ROPN1L: variants seen among roughly 807,000 people sequenced by gnomAD.
The protein encoded by ROPN1L is ropporin-1-like protein.
In ROPN1L, 23 loss-of-function variants were observed where a neutral mutation model predicts 22.7. The observed-to-expected ratio is 1.01, with a 90% CI of 0.73 to 1.43. The LOEUF (loss-of-function observed/expected upper bound fraction) is 1.43, where lower values mean the gene tolerates loss of function less well. ROPN1L is among the 40% of genes most tolerant of loss of function. ROPN1L has a pLI of 0.00. For missense variants in ROPN1L, 271 were observed against 291.5 expected, an observed-to-expected ratio of 0.93 and a Z score of 0.51; for synonymous variants, 116 against 117.8, an observed-to-expected ratio of 0.98 and a Z score of 0.10.
At chr5:10,448,432 C>T (rs532431939) in intron 2 of ROPN1L, 49 bp downstream of exon 2, 1 of 1,610,712 alleles carries the variant, frequency 6.2e-7, no homozygotes, top group Non-Finnish European at 8.5e-7. Flanking sequence ...CTGTGCTTTC[C>T]TTACCGTTCA....
rs763104402 is a variant in ROPN1L at position 10,464,970 on chromosome 5, T to C, written c.*23T>C. The C allele has an allele frequency of 1.2e-5, 17 of 1,407,278 alleles. No individual in the cohort carries two copies. Among genetic ancestry groups the C allele is most frequent in the Admixed American group, 1.0e-4 (5 of 49,206 alleles). 87.2% of individuals were successfully genotyped at this position (1,407,278 alleles called of 1,614,324 possible). A position where few individuals can be genotyped will look rare whatever the true frequency, so the allele number is the denominator to read the frequency against. On this transcript the variant is annotated 3_prime_UTR_variant, in exon 5 of 5. Transcript: ENST00000274134. ...TAATACAGAGAAGAATACATTTTAA[T>C]GTCAAAATAGTGCTCTTTAAAATTC... is the stretch of plus-strand genomic sequence containing the variant.
At chr5:10,462,896 TAAC>T (rs957259039) in intron 4 of ROPN1L, among the ~76,000 whole-genome samples, 31 of 71,068 alleles carry the variant, frequency 4.4e-4, no homozygotes, top group Admixed American at 1.4e-3. Flanking sequence ...TCTCAAATAA[TAAC>T]AACAATAATA....
chr5:10,461,349 A>G lies in ROPN1L; in HGVS notation c.583A>G (p.Lys195Glu), dbSNP rs753154460. The G allele has an allele frequency of 1.9e-6, 3 of 1,613,524 alleles. No homozygotes were observed. In the African/African-American group the frequency reaches 4.0e-5, roughly 22 times the overall value. ...GACGGAATCCTACCTTGCCTCTCTA[A>G]AGGAAAATATGTAAGTATGCACCCT... Reference protein sequence around the residue: ...LETESYLASLKENIDARKNGM... With the variant: ...LETESYLASLEENIDARKNGM... Residue 195 changes from lysine (K) to glutamate (E), a missense_variant, in exon 4 of 5, where the codon AAG (lysine) becomes GAG (glutamate). Lys to Glu is a moderately conservative substitution (Grantham distance 56). Coordinates refer to ENST00000274134, the MANE Select transcript of ROPN1L (RefSeq NM_031916.5).
the ROPN1L span, chr5:10,482,310 C>CCGTA: frequency 6.6e-6 from 1 of 151,848 alleles, no homozygotes; most frequent in Non-Finnish European, 1.5e-5. Context: ...AAAACGAAAA[C>CCGTA]CGTAAAAGAT....
chr5:10,468,852 G>T (rs978514610), downstream of ROPN1L, among the ~76,000 whole-genome samples: 1 of 152,214 alleles, frequency 6.6e-6, no homozygotes, highest in Non-Finnish European at 1.5e-5. Flanking sequence ...TCCAATTGAA[G>T]TCACTTTAAA....
At chr5:10,469,084 GGCGGA>G (rs1554031328), downstream of ROPN1L, among the ~76,000 whole-genome samples, 6 of 152,154 alleles carry the variant, frequency 3.9e-5, no homozygotes, top group Non-Finnish European at 8.8e-5. Context: ...GAACCTGGGA[GGCGGA>G]GCTTGCAATG....
At chr5:10,475,932 C>T (rs1560932254), downstream of ROPN1L, among the ~76,000 whole-genome samples, 1 of 152,228 alleles carries the variant, frequency 6.6e-6, no homozygotes, top group East Asian at 1.9e-4. Flanking sequence ...CATGATCATT[C>T]AGGGATCCAG....
intron 1 of ROPN1L, among the ~76,000 whole-genome samples, chr5:10,443,752 A>T (rs1207846666): frequency 6.6e-6 from 1 of 152,114 alleles, no homozygotes; most frequent in Non-Finnish European, 1.5e-5. Flanking sequence ...TCTCAGGAAA[A>T]CCCAGCTCGT....
chr5:10,455,770 G>A (rs955529298), intron 3 of ROPN1L, among the ~76,000 whole-genome samples: 1 of 28,062 alleles, frequency 3.6e-5, no homozygotes, highest in African/African-American at 8.1e-5. Context: ...TCTTGAAAAC[G>A]CAGTGCTGGG....
chr5:10,453,588 G>A (rs945135894), intron 3 of ROPN1L, among the ~76,000 whole-genome samples: 1 of 152,204 alleles, frequency 6.6e-6, no homozygotes, highest in East Asian at 1.9e-4. Context: ...TTTCACATAG[G>A]ATGCTGTGTA....
At chr5:10,448,130 A>G in intron 1 of ROPN1L, 130 bp from the exon 2 acceptor site, 1 of 1,008,286 alleles carries the variant, frequency 9.9e-7, no homozygotes, top group Non-Finnish European at 1.5e-6. Context: ...CCAGGACATA[A>G]GCCCGGGATG....
intron 1 of ROPN1L, among the ~76,000 whole-genome samples, chr5:10,443,371 C>T (rs1025545821): frequency 6.6e-6 from 1 of 152,010 alleles, no homozygotes; most frequent in African/African-American, 2.4e-5. Context: ...GCCTGTAATC[C>T]CAGCACTTTG....
rs184219655 is a variant in ROPN1L, at chr5:10,447,064, C to T, written c.132-1196C>T. Among the ~76,000 whole-genome samples the T allele has an allele frequency of 1.6e-3, 242 of 152,306 alleles. 1 individual carries two copies. The highest frequency in any genetic ancestry group is 3.0e-3 in the Non-Finnish European group (202 of 68,034). On this transcript the variant is annotated intron_variant, in intron 1 of 4. Transcript: ENST00000274134. ...AAGTTTATTTTAGTCTATCAGATAT[C>T]GACTTATCCATATTTATCTGTAGCA...
chr5:10,465,853 A>G (rs1224591234), downstream of ROPN1L, among the ~76,000 whole-genome samples: 1 of 152,148 alleles, frequency 6.6e-6, no homozygotes, highest in Non-Finnish European at 1.5e-5. Flanking sequence ...AAAAAAAAAC[A>G]AAGTGGCTTT....
intron 1 of ROPN1L, among the ~76,000 whole-genome samples, chr5:10,447,769 T>C (rs1319951685): frequency 6.6e-6 from 1 of 152,084 alleles, no homozygotes; most frequent in Non-Finnish European, 1.5e-5. Flanking sequence ...TAGTCCCAGC[T>C]ACTCAGGAGG....
chr5:10,442,684 A>G (rs1289921520), intron 1 of ROPN1L, among the ~76,000 whole-genome samples: 2 of 152,236 alleles, frequency 1.3e-5, no homozygotes, highest in East Asian at 3.8e-4. Flanking sequence ...AAAGAGGAAT[A>G]TTTTAGCTAA....
chr5:10,467,783 G>A (rs1162218253), downstream of ROPN1L, among the ~76,000 whole-genome samples: 1 of 152,238 alleles, frequency 6.6e-6, no homozygotes, highest in Non-Finnish European at 1.5e-5. Context: ...GGGGTCCCAA[G>A]TTTCTTTTTT....
downstream of ROPN1L, among the ~76,000 whole-genome samples, chr5:10,469,084 G>A (rs1334500058): frequency 6.6e-6 from 1 of 152,154 alleles, no homozygotes. Context: ...GAACCTGGGA[G>A]GCGGAGCTTG....
At chr5:10,458,291 A>G (rs1300323275) in intron 3 of ROPN1L, among the ~76,000 whole-genome samples, 1 of 150,384 alleles carries the variant, frequency 6.6e-6, no homozygotes, top group South Asian at 2.1e-4. Context: ...TGCGCCTTTC[A>G]AGTCCCCATG....
Sources: gnomAD v4.1 joint callset for allele counts (sites outside exome capture counted in the v4.1 genomes callset) on GRCh38, gnomAD v4.1.1 for gene constraint, MANE v1.5 for transcripts, NCBI Gene and HGNC (gene_info 2026-07-23, HGNC 2026-07-21) for gene names.